The following CCDC30 variants were observed in gnomAD, a reference collection of about 807,000 sequenced individuals.
CCDC30 encodes the protein coiled-coil domain containing 30.
A neutral mutation model predicts 100.2 loss-of-function variants in CCDC30; 70 were observed. The ratio of observed to expected loss-of-function variants is 0.70; its 90% CI spans 0.58 to 0.85. CCDC30 has a LOEUF of 0.85. Ranked by LOEUF, CCDC30 falls within the 40% of genes least tolerant of loss-of-function variation. The pLI is 0.00. For missense variants in CCDC30, 652 were observed against 771.2 expected (o/e 0.85, Z 1.83); for synonymous variants, 233 against 269.5 (o/e 0.86, Z 1.33).
At chr1:42,644,618 A>G in intron 13 of CCDC30, 75 bp from the exon 18 acceptor site, 1 of 827,064 alleles carries the variant, frequency 1.2e-6, no homozygotes, top group Non-Finnish European at 2.1e-6. Flanking sequence ...GCCAGTGGGA[A>G]GTGGGATGTA....
In CCDC30 at chr1:42,542,691, C is replaced by T. The variant is rs1198806408; in HGVS notation, c.457-23605C>T. The T allele has an allele frequency of 2.9e-5, 4 of 140,190 alleles. 1 individual carries two copies. Among genetic ancestry groups the T allele is most frequent in the East Asian group, 2.2e-4 (1 of 4,600 alleles). The allele number at this position is 140,190 out of a possible 1,614,324, so 8.7% of individuals were successfully genotyped here. On this transcript the variant is annotated intron_variant, in intron 6 of 16. Coordinates refer to ENST00000668663, the Ensembl canonical transcript of CCDC30. ...TCAGCCTCCCGAGTAGCTGGGACTA[C>T]AGGCGCCCGCCACCGCGCCCGGCTA...
At chr1:42,618,562 C>A (rs1001162398) in intron 11 of CCDC30, among the ~76,000 whole-genome samples, 4 of 152,102 alleles carry the variant, frequency 2.6e-5, no homozygotes, top group African/African-American at 9.7e-5. Context: ...TTTTACCAAA[C>A]GTTCCTAGCA....
At chr1:42,547,821 T>C (rs1645174915) in intron 6 of CCDC30, among the ~76,000 whole-genome samples, 1 of 152,164 alleles carries the variant, frequency 6.6e-6, no homozygotes, top group Non-Finnish European at 1.5e-5. Context: ...TCAGGCACTG[T>C]AGGGAGGTAC....
At chr1:42,470,962 T>C (rs931928138) in intron 1 of CCDC30, among the ~76,000 whole-genome samples, 1 of 152,348 alleles carries the variant, frequency 6.6e-6, no homozygotes, top group Non-Finnish European at 1.5e-5. Flanking sequence ...TTTTAAGTTA[T>C]GTATATTTAC....
At chr1:42,468,856 A>G (rs1196622427) in intron 1 of CCDC30, 4 of 152,208 alleles carry the variant, frequency 2.6e-5, no homozygotes, top group Non-Finnish European at 1.5e-5. Flanking sequence ...TGCCCAAGCT[A>G]TTAATCACAT....
At chr1:42,615,459 C>T (rs12407041) in intron 11 of CCDC30, among the ~76,000 whole-genome samples, 19,874 of 151,868 alleles carry the variant, frequency 0.13, 1,431 homozygotes, top group East Asian at 0.16. Context: ...CACTACTGCC[C>T]GGCTAATTTT....
intron 11 of CCDC30, among the ~76,000 whole-genome samples, chr1:42,632,692 G>A (rs1325927314): frequency 2.0e-5 from 3 of 151,688 alleles, no homozygotes; most frequent in East Asian, 3.9e-4. Flanking sequence ...CCTGGGAGGC[G>A]GAGGTTGCAG....
At chr1:42,467,592 C>T (rs992536012) in intron 1 of CCDC30, among the ~76,000 whole-genome samples, 14 of 152,180 alleles carry the variant, frequency 9.2e-5, no homozygotes, top group Non-Finnish European at 1.8e-4. Flanking sequence ...GAGTTGTTCA[C>T]TAGAAAACTG....
intron 6 of CCDC30, 78 bp downstream of exon 6, chr1:42,498,994 G>A: frequency 1.5e-6 from 1 of 670,948 alleles, no homozygotes; most frequent in Non-Finnish European, 2.1e-6. Flanking sequence ...TAGAGTGATT[G>A]GTGCTAATCA....
chr1:42,608,646 C>G (rs1018441888), intron 10 of CCDC30, among the ~76,000 whole-genome samples: 1 of 143,410 alleles, frequency 7.0e-6, no homozygotes, highest in African/African-American at 2.5e-5. Context: ...CGGAACTTGC[C>G]GTGAGCCGAG....
chr1:42,597,876 C>T (rs984911611), intron 10 of CCDC30, among the ~76,000 whole-genome samples: 5 of 144,456 alleles, frequency 3.5e-5, no homozygotes, highest in South Asian at 2.2e-4. Context: ...AAAAAAAAAT[C>T]GCCAGGCACA....
chr1:42,456,652 G>A, the CCDC30 span: 4 of 1,595,024 alleles, frequency 2.5e-6, no homozygotes, highest in Non-Finnish European at 3.4e-6. Context: ...TCGCGGCCAG[G>A]CTGGGCGCGC....
intron 6 of CCDC30, among the ~76,000 whole-genome samples, chr1:42,521,478 T>C (rs1158224634): frequency 6.6e-6 from 1 of 152,236 alleles, no homozygotes; most frequent in Non-Finnish European, 1.5e-5. Context: ...GTTTAACATA[T>C]GATCTATCTT....
intron 10 of CCDC30, chr1:42,591,077 G>C (rs952630713): frequency 6.6e-6 from 1 of 152,200 alleles, no homozygotes; most frequent in African/African-American, 2.4e-5. Context: ...ATGACTTAAA[G>C]TTGGAACTTA....
intron 6 of CCDC30, 92 bp from the exon 9 acceptor site, chr1:42,545,318 G>A: frequency 1.0e-6 from 1 of 985,870 alleles, no homozygotes; most frequent in Non-Finnish European, 1.5e-6. Flanking sequence ...TAAGCCAATA[G>A]TTAAGCATTT....
At chr1:42,507,283 A>G (rs1298265357) in intron 6 of CCDC30, among the ~76,000 whole-genome samples, 2 of 152,196 alleles carry the variant, frequency 1.3e-5, no homozygotes, top group Non-Finnish European at 2.9e-5. Context: ...CAATTTGACC[A>G]TGAGGTGAAA....
At chr1:42,533,438 T>A (rs1363228079) in intron 6 of CCDC30, among the ~76,000 whole-genome samples, 2 of 152,142 alleles carry the variant, frequency 1.3e-5, no homozygotes, top group Non-Finnish European at 2.9e-5. Context: ...CTCCCCAGAG[T>A]AAGCAGGAGT....
chr1:42,456,623 G>A, the CCDC30 span: 3 of 1,577,184 alleles, frequency 1.9e-6, no homozygotes, highest in East Asian at 6.7e-5. Context: ...TGCGCGCTGG[G>A]CTGAGGTTAT....
At chr1:42,635,929 GCATCCTTGT>G in intron 11 of CCDC30, among the ~76,000 whole-genome samples, 1 of 152,106 alleles carries the variant, frequency 6.6e-6, no homozygotes, top group Non-Finnish European at 1.5e-5. Flanking sequence ...CAATTTCTTT[GCATCCTTGT>G]CAGCACTTGT....
Sources: gnomAD v4.1 joint callset for allele counts (sites outside exome capture counted in the v4.1 genomes callset) on GRCh38, gnomAD v4.1.1 for gene constraint, MANE v1.5 for transcripts, NCBI Gene and HGNC (gene_info 2026-07-23, HGNC 2026-07-21) for gene names.